CTIF: variants seen among roughly 807,000 people sequenced by gnomAD.
CTIF encodes the protein cap binding complex dependent translation initiation factor.
In CTIF, 21 loss-of-function variants were observed where a neutral mutation model predicts 66.0. The ratio of observed to expected loss-of-function variants is 0.32; its 90% confidence interval spans 0.23 to 0.46. The LOEUF is 0.46. CTIF is among the 20% of genes least tolerant of loss of function. CTIF has a pLI of 1.00. For synonymous variants in CTIF, 345 were observed against 326.4 expected, an observed-to-expected ratio of 1.06 and a Z score of -0.62; for missense variants, 739 against 812.7, an observed-to-expected ratio of 0.91 and a Z score of 1.10.
chr18:48,633,104 C>T (rs994135164), intron 2 of CTIF, among the ~76,000 whole-genome samples: 2 of 152,244 alleles, frequency 1.3e-5, no homozygotes, highest in African/African-American at 2.4e-5. Flanking sequence ...GTCACCGTGC[C>T]GTGGAATATC....
chr18:48,672,880 C>CAGAGG (rs2091558816), intron 6 of CTIF, among the ~76,000 whole-genome samples: 1 of 152,176 alleles, frequency 6.6e-6, no homozygotes, highest in South Asian at 2.1e-4. Context: ...CAGCCTCTGT[C>CAGAGG]CTGGGCTCCC....
intron 1 of CTIF, among the ~76,000 whole-genome samples, chr18:48,556,320 C>T (rs2089020723): frequency 6.6e-6 from 1 of 152,162 alleles, no homozygotes. Context: ...CCAGGCTTGG[C>T]TCTGCATAAA....
At position 48,818,088 on chromosome 18, in the gene CTIF, T is replaced by A. The variant is rs920428346; in HGVS notation, c.1527+712T>A. ...CATCTGAAAAAGAAAGAAACAAGAA[T>A]GACCAAGGAACTTTTGAGAAGCAGG... On this transcript the variant is annotated intron_variant, in intron 10 of 11. Coordinates refer to ENST00000256413, the MANE Select transcript of CTIF (RefSeq NM_014772.3). Among the ~76,000 whole-genome samples, 3 of 152,232 alleles carry A rather than the reference T, an allele frequency of 2.0e-5. 1 individual carries two copies. The highest frequency in any genetic ancestry group is 7.2e-5 in the African/African-American group (3 of 41,462).
chr18:48,653,356 G>T (rs560241607), intron 3 of CTIF, among the ~76,000 whole-genome samples: 1 of 152,286 alleles, frequency 6.6e-6, no homozygotes, highest in Admixed American at 6.5e-5. Context: ...GCCAAATCGT[G>T]AGTGAACTCC....
At position 48,793,578 on chromosome 18, in the gene CTIF, T is replaced by G. The variant is rs567768218; in HGVS notation, c.1372-23643T>G. Among the ~76,000 whole-genome samples, 161 of 152,292 alleles carry G rather than the reference T, an allele frequency of 1.1e-3. 1 individual carries two copies. The highest frequency in any genetic ancestry group is 3.8e-3 in the African/African-American group (156 of 41,552). On this transcript the variant is annotated intron_variant, in intron 9 of 11. Transcript: ENST00000256413. ...CATGATGATAGCTCAGTAAACAGAA[T>G]CCCTTGGCGCAAGTGACATGCTGGG... is the stretch of plus-strand genomic sequence containing the variant.
chr18:48,703,599 TC>T lies in CTIF; in HGVS notation c.508-8019del, dbSNP rs2092112636. Among the ~76,000 whole-genome samples, 3 of 152,214 alleles carry T rather than the reference TC, an allele frequency of 2.0e-5. No individual in the cohort carries two copies. The South Asian group carries it at 6.2e-4, about 32-fold the overall frequency. ...TGGATGATTTCTATCAGACCTAGGT[TC>T]GTGGTCAGGGGTCAGAGGTCAAAGA... On this transcript the variant is annotated intron_variant, in intron 6 of 11. Coordinates refer to ENST00000256413, the MANE Select transcript of CTIF (RefSeq NM_014772.3).
intron 1 of CTIF, among the ~76,000 whole-genome samples, chr18:48,612,672 T>A (rs562337196): frequency 6.6e-5 from 10 of 152,188 alleles, no homozygotes; most frequent in Non-Finnish European, 1.5e-4. Flanking sequence ...CTGGGCCCCA[T>A]TGCCCACCAC....
intron 9 of CTIF, among the ~76,000 whole-genome samples, chr18:48,769,925 C>A (rs1251520772): frequency 1.3e-5 from 2 of 152,170 alleles, no homozygotes; most frequent in Non-Finnish European, 2.9e-5. Context: ...CATTCAAGGA[C>A]CCAGGTGGGA....
chr18:48,838,367 C>T (rs1050850468), intron 10 of CTIF, among the ~76,000 whole-genome samples: 13 of 151,608 alleles, frequency 8.6e-5, no homozygotes, highest in African/African-American at 7.3e-5. Flanking sequence ...TAGAGTTGAG[C>T]GTGCTGGGCT....
At chr18:48,654,110 G>T (rs2091204815) in intron 3 of CTIF, among the ~76,000 whole-genome samples, 1 of 152,154 alleles carries the variant, frequency 6.6e-6, no homozygotes, top group Non-Finnish European at 1.5e-5. Context: ...GGCAACAAAA[G>T]CTAAAATAGA....
At chr18:48,700,855 G>A (rs2092075572) in intron 6 of CTIF, among the ~76,000 whole-genome samples, 2 of 152,196 alleles carry the variant, frequency 1.3e-5, no homozygotes, top group Admixed American at 6.5e-5. Context: ...CTGTGTCTGT[G>A]CACACAGCAT....
chr18:48,670,806 C>T, intron 6 of CTIF, 62 bp downstream of exon 6: 1 of 1,396,492 alleles, frequency 7.2e-7, no homozygotes, highest in Non-Finnish European at 1.0e-6. Context: ...GATCCTCTTC[C>T]TGGACAGGAC....
intron 1 of CTIF, among the ~76,000 whole-genome samples, chr18:48,562,969 G>A (rs186334724): frequency 6.6e-5 from 10 of 152,352 alleles, no homozygotes; most frequent in Admixed American, 2.0e-4. Flanking sequence ...ACACTGAAAA[G>A]ATATTGACGC....
chr18:48,669,597 T>A (rs1277804611), intron 5 of CTIF, among the ~76,000 whole-genome samples: 1 of 151,666 alleles, frequency 6.6e-6, no homozygotes, highest in Non-Finnish European at 1.5e-5. Flanking sequence ...ACAGCAACAA[T>A]ATTAGTGGTA....
intron 1 of CTIF, among the ~76,000 whole-genome samples, chr18:48,614,170 C>T (rs2090357357): frequency 6.6e-6 from 1 of 152,260 alleles, no homozygotes; most frequent in South Asian, 2.1e-4. Flanking sequence ...TGGGGACTTC[C>T]CATCAGGATC....
chr18:48,738,054 G>A (rs551862733), intron 7 of CTIF, among the ~76,000 whole-genome samples: 2 of 152,192 alleles, frequency 1.3e-5, no homozygotes, highest in South Asian at 4.2e-4. Flanking sequence ...CCCCAAGCCT[G>A]CCCCACTCCC....
intron 10 of CTIF, among the ~76,000 whole-genome samples, chr18:48,848,395 C>T (rs957224243): frequency 4.6e-5 from 7 of 152,202 alleles, no homozygotes; most frequent in Admixed American, 2.6e-4. Flanking sequence ...CACCTCCAGT[C>T]GCTACCAAAG....
chr18:48,843,892 A>G (rs994872868), intron 10 of CTIF, among the ~76,000 whole-genome samples: 13 of 152,186 alleles, frequency 8.5e-5, no homozygotes, highest in Non-Finnish European at 1.3e-4. Flanking sequence ...CTCTTGGAGA[A>G]ATCATTTCCT....
At chr18:48,772,099 A>C (rs1163916935) in intron 9 of CTIF, among the ~76,000 whole-genome samples, 1 of 152,144 alleles carries the variant, frequency 6.6e-6, no homozygotes, top group Non-Finnish European at 1.5e-5. Flanking sequence ...AAAGGAAGAA[A>C]ATAGTGTTGC....
Sources: gnomAD v4.1 joint callset for allele counts (sites outside exome capture counted in the v4.1 genomes callset) on GRCh38, gnomAD v4.1.1 for gene constraint, MANE v1.5 for transcripts, NCBI Gene and HGNC (gene_info 2026-07-23, HGNC 2026-07-21) for gene names.